Variants in DNAH3 observed in about 807,000 individuals in gnomAD.
The protein encoded by DNAH3 is dynein axonemal heavy chain 3, also known as axonemal beta dynein heavy chain 3.
In DNAH3, 332 loss-of-function variants were observed where a neutral mutation model predicts 432.5. The ratio of observed to expected loss-of-function variants is 0.77; its 90% CI spans 0.70 to 0.84. DNAH3 has a LOEUF of 0.84. Ranked by LOEUF, DNAH3 falls within the 40% of genes least tolerant of loss-of-function variation. DNAH3 has a pLI of 0.00. For missense variants in DNAH3, 4,861 were observed against 5,114.0 expected (o/e 0.95, Z 1.51); for synonymous variants, 1,956 against 1,900.2 (o/e 1.03, Z -0.76).
chr16:20,941,317 A>G lies in DNAH3; in HGVS notation c.11654+84T>C, dbSNP rs2152567796. ...GTGGGGCAAACCACTTCCTCTGCAT[A>G]GCAACCCCTTCTCAGCTACTGCCTG... On this transcript the variant is annotated intron_variant, in intron 59 of 61. Transcript: ENST00000261383. 3 of 1,554,920 alleles carry G rather than the reference A, an allele frequency of 1.9e-6. No individual in the cohort carries two copies. In the East Asian group the frequency reaches 6.7e-5, roughly 35 times the overall value.
chr16:20,977,270 G>A (rs181846515), intron 50 of DNAH3, among the ~76,000 whole-genome samples: 4 of 152,232 alleles, frequency 2.6e-5, no homozygotes, highest in East Asian at 3.9e-4. Context: ...CCAGCTACTC[G>A]GGAGACTGAG....
chr16:20,990,009 C>T (rs2086474052), intron 44 of DNAH3, among the ~76,000 whole-genome samples: 1 of 152,214 alleles, frequency 6.6e-6, no homozygotes, highest in Non-Finnish European at 1.5e-5. Flanking sequence ...CCCCGGTTCC[C>T]ACTCGCGCCT....
At chr16:20,982,856 T>C (rs1477785247) in exon 49 of DNAH3, 1 of 1,614,116 alleles carries the variant, frequency 6.2e-7, no homozygotes, top group African/African-American at 1.3e-5. Flanking sequence ...CCGCAGGCGG[T>C]TCCTGAAGGC....
chr16:20,966,657 A>T (rs1200723412), intron 52 of DNAH3, among the ~76,000 whole-genome samples: 1 of 152,214 alleles, frequency 6.6e-6, no homozygotes, highest in Non-Finnish European at 1.5e-5. Flanking sequence ...TATGGGTTGA[A>T]TGAATAGTAC....
chr16:20,977,921 TC>T (rs1160147433), intron 50 of DNAH3, among the ~76,000 whole-genome samples: 1 of 152,050 alleles, frequency 6.6e-6, no homozygotes, highest in Non-Finnish European at 1.5e-5. Context: ...ACCACTCAAA[TC>T]CCCAGGAACA....
intron 7 of DNAH3, among the ~76,000 whole-genome samples, chr16:21,133,073 C>T (rs117465762): frequency 0.025 from 3,806 of 151,928 alleles, 64 homozygotes; most frequent in Non-Finnish European, 0.038. Context: ...TAAGACCGTC[C>T]GGGCGTGGTG....
chr16:21,042,761 G>A (rs1206073458), intron 31 of DNAH3, among the ~76,000 whole-genome samples: 4 of 151,892 alleles, frequency 2.6e-5, no homozygotes, highest in Non-Finnish European at 4.4e-5. Flanking sequence ...ATGCTGGTGC[G>A]CTGCACCCAC....
intron 51 of DNAH3, among the ~76,000 whole-genome samples, chr16:20,971,594 A>G (rs2152638903): frequency 6.6e-6 from 1 of 152,250 alleles, no homozygotes; most frequent in East Asian, 1.9e-4. Flanking sequence ...CAGAGACTTG[A>G]GCCTCACCCT....
chr16:20,982,821 A>G, exon 49 of DNAH3: 2 of 1,614,104 alleles, frequency 1.2e-6, no homozygotes, highest in East Asian at 4.5e-5. Flanking sequence ...TCAATCGTAC[A>G]GCAATTGATC....
At chr16:21,087,097 T>C (rs778333774) in intron 18 of DNAH3, 37 bp from the exon 19 acceptor site, 13 of 1,551,046 alleles carry the variant, frequency 8.4e-6, no homozygotes, top group South Asian at 3.3e-5. Flanking sequence ...CAGACCATCA[T>C]GTGGATGTTA....
At chr16:21,102,895 G>A (rs75620608) in intron 16 of DNAH3, among the ~76,000 whole-genome samples, 1 of 85,816 alleles carries the variant, frequency 1.2e-5, no homozygotes, top group East Asian at 3.3e-4. Flanking sequence ...TTTTTTTTTT[G>A]AGACAGAATC....
exon 53 of DNAH3, chr16:20,964,769 A>AGTC: frequency 1.2e-6 from 2 of 1,614,154 alleles, no homozygotes; most frequent in South Asian, 1.1e-5. Flanking sequence ...CTGAGACTGA[A>AGTC]GTCACTGAAG....
At chr16:21,104,381 T>G in intron 16 of DNAH3, 90 bp downstream of exon 16, 1 of 1,138,386 alleles carries the variant, frequency 8.8e-7, no homozygotes, top group Non-Finnish European at 1.3e-6. Context: ...TGGAGTGAGC[T>G]GGGGGATGGC....
Position 21,090,499 on chromosome 16 carries a change from T to G in DNAH3, c.2666-3439A>C, listed in dbSNP as rs2091500502. Among the ~76,000 whole-genome samples, 5 of 152,312 alleles carry G rather than the reference T, an allele frequency of 3.3e-5. No homozygotes were observed. In the South Asian group the frequency reaches 1.0e-3, roughly 32 times the overall value. ...TAATACACCATGTCCAAGTAGGGTT[T>G]ATCATTGGAGTGCAAGGCTGGTTTA... On this transcript the variant is annotated intron_variant, in intron 18 of 61. Coordinates refer to ENST00000261383, the Ensembl canonical transcript of DNAH3.
At chr16:20,949,545 T>C (rs928195694) in intron 56 of DNAH3, among the ~76,000 whole-genome samples, 3 of 152,090 alleles carry the variant, frequency 2.0e-5, no homozygotes, top group Non-Finnish European at 4.4e-5. Context: ...ATATATGGGG[T>C]TCGGTAAAAT....
At chr16:20,990,969 C>T (rs182912922) in intron 44 of DNAH3, among the ~76,000 whole-genome samples, 7 of 151,886 alleles carry the variant, frequency 4.6e-5, no homozygotes, top group Admixed American at 6.6e-5. Flanking sequence ...TACAGTGAGC[C>T]GAGATTGTGC....
exon 43 of DNAH3, chr16:21,000,422 G>A (rs1479277787): frequency 6.8e-6 from 11 of 1,614,132 alleles, no homozygotes; most frequent in Middle Eastern, 1.6e-4. Flanking sequence ...GTGCCTGTGG[G>A]ACCCACGAAC....
At chr16:21,137,965 T>G (rs1049995005) in intron 5 of DNAH3, among the ~76,000 whole-genome samples, 1 of 151,876 alleles carries the variant, frequency 6.6e-6, no homozygotes, top group African/African-American at 2.4e-5. Context: ...AAGAGGTTGC[T>G]GGCCAGGCAC....
Position 21,047,094 on chromosome 16 carries a change from T to C in DNAH3, c.4461+2475A>G, listed in dbSNP as rs550160581. On this transcript the variant is annotated intron_variant, in intron 31 of 61. Transcript: ENST00000261383. ...TTGAGGGTAACCCGACCTTTCTCTC[T>C]GGCTGCCCTTAACATTTTTTCCTTC... Among the ~76,000 whole-genome samples the C allele has an allele frequency of 6.6e-5, 10 of 152,028 alleles. No homozygotes were observed. The East Asian group carries it at 1.7e-3, about 26-fold the overall frequency.
Sources: allele counts gnomAD v4.1 joint callset (sites outside exome capture counted in the v4.1 genomes callset), GRCh38; gene constraint gnomAD v4.1.1; transcripts MANE v1.5; gene names NCBI Gene and HGNC (gene_info 2026-07-23, HGNC 2026-07-21).